Variants in LPP observed in about 807,000 individuals in gnomAD.
The protein encoded by LPP is lipoma-preferred partner.
LPP carries 38 observed loss-of-function variants against 60.4 expected under a neutral mutation model. The observed-to-expected ratio is 0.63, with a 90% confidence interval of 0.49 to 0.83. The LOEUF (loss-of-function observed/expected upper bound fraction) is 0.83, where lower values mean the gene tolerates loss of function less well. Among genes scored for constraint, LPP ranks in the 40% least tolerant of loss-of-function variants. LPP has a pLI of 0.00. For missense variants in LPP, 902 were observed against 783.6 expected, an observed-to-expected ratio of 1.15 and a Z score of -1.80; for synonymous variants, 328 against 290.8, an observed-to-expected ratio of 1.13 and a Z score of -1.30.
chr3:188,803,752 G>A (rs1028280964), intron 9 of LPP, among the ~76,000 whole-genome samples: 4 of 152,160 alleles, frequency 2.6e-5, no homozygotes, highest in African/African-American at 4.8e-5. Context: ...AGGTAGTACG[G>A]TTTGTTCTGC....
chr3:188,240,278 G>C (rs1723652110), intron 2 of LPP: 1 of 168,888 alleles, frequency 5.9e-6, no homozygotes, highest in African/African-American at 2.4e-5. Context: ...AACATGGGTA[G>C]GAATAGCTTA....
intron 4 of LPP, among the ~76,000 whole-genome samples, chr3:188,427,197 C>A (rs1328438582): frequency 6.6e-6 from 1 of 152,176 alleles, no homozygotes; most frequent in Non-Finnish European, 1.5e-5. Context: ...GATTTTATTT[C>A]TTCTTCACTT....
chr3:188,379,135 A>T (rs1560324415), intron 3 of LPP, among the ~76,000 whole-genome samples: 1 of 152,058 alleles, frequency 6.6e-6, no homozygotes, highest in Non-Finnish European at 1.5e-5. Flanking sequence ...CTAATGATTA[A>T]CAGAGATCCT....
chr3:188,250,776 T>TTCTGTCTGTCTTTCTTTCTCTA, intron 2 of LPP, among the ~76,000 whole-genome samples: 2 of 121,844 alleles, frequency 1.6e-5, no homozygotes, highest in South Asian at 5.6e-4. Context: ...CTTTCTTTCT[T>TTCTGTCTGTCTTTCTTTCTCTA]TCTTTCTTTC....
chr3:188,695,022 A>C (rs1862947207), intron 7 of LPP, among the ~76,000 whole-genome samples: 1 of 152,186 alleles, frequency 6.6e-6, no homozygotes, highest in African/African-American at 2.4e-5. Flanking sequence ...CTGGATTCAA[A>C]TCCCAGGTTC....
intron 8 of LPP, chr3:188,746,362 G>A (rs1199453392): frequency 1.6e-5 from 7 of 436,804 alleles, no homozygotes; most frequent in Admixed American, 4.9e-5. Context: ...AGAAAAACAC[G>A]CTGAATAGAT....
intron 2 of LPP, among the ~76,000 whole-genome samples, chr3:188,325,701 T>G (rs1758243829): frequency 6.6e-6 from 1 of 152,228 alleles, no homozygotes; most frequent in Admixed American, 6.5e-5. Flanking sequence ...ATTAAATAAT[T>G]TAATAGATCA....
intron 8 of LPP, among the ~76,000 whole-genome samples, chr3:188,753,315 A>G (rs79653897): frequency 0.02 from 3,082 of 152,340 alleles, 36 homozygotes; most frequent in African/African-American, 0.04. Context: ...TTCACAATAC[A>G]TATATTTACA....
At chr3:188,636,449 C>T (rs983643766) in intron 7 of LPP, among the ~76,000 whole-genome samples, 3 of 152,190 alleles carry the variant, frequency 2.0e-5, no homozygotes, top group Non-Finnish European at 4.4e-5. Flanking sequence ...AGTCTGAGAT[C>T]AAACTGCAAG....
intron 7 of LPP, among the ~76,000 whole-genome samples, chr3:188,631,400 C>T (rs1847831402): frequency 6.6e-6 from 1 of 152,148 alleles, no homozygotes; most frequent in African/African-American, 2.4e-5. Flanking sequence ...AACACCCTTA[C>T]TCTTACTGCA....
intron 9 of LPP, among the ~76,000 whole-genome samples, chr3:188,781,224 A>G (rs1438307832): frequency 6.6e-6 from 1 of 152,236 alleles, no homozygotes; most frequent in Non-Finnish European, 1.5e-5. Flanking sequence ...ACCTTTAGCA[A>G]TATGTACTAC....
intron 2 of LPP, among the ~76,000 whole-genome samples, chr3:188,227,344 C>T (rs1310993688): frequency 8.5e-6 from 1 of 117,038 alleles, no homozygotes; most frequent in Admixed American, 9.1e-5. Flanking sequence ...CCCCTCCCCC[C>T]ACCCCACAAC....
rs773141848 is a variant in LPP at position 188,883,754 on chromosome 3, AG to A, written c.*9277del. ...TCTCAAAAAAAAAAAAAAAAAAAAAAGGTTGGGAAATATTGGTGTATAATCC... is the reference window on the plus strand; with the variant it reads ...TCTCAAAAAAAAAAAAAAAAAAAAAAGTTGGGAAATATTGGTGTATAATCC... On this transcript the variant is annotated 3_prime_UTR_variant, in exon 12 of 12. Coordinates refer to ENST00000617246, the MANE Select transcript of LPP (RefSeq NM_001375462.1). The A allele has an allele frequency of 7.3e-3, 1,292 of 178,172 alleles. 31 individuals carry two copies. Among genetic ancestry groups the A allele is most frequent in the African/African-American group, 0.027 (1,132 of 41,208 alleles). 11.0% of individuals were successfully genotyped at this position (178,172 alleles called of 1,614,324 possible).
intron 1 of LPP, among the ~76,000 whole-genome samples, chr3:188,218,617 A>G (rs1006055127): frequency 8.7e-5 from 13 of 149,696 alleles, no homozygotes; most frequent in Admixed American, 8.5e-4. Flanking sequence ...AGTTTCTTCT[A>G]AAATTTCTTT....
Position 188,685,859 on chromosome 3 carries a change from T to G in LPP, c.1114-22408T>G, listed in dbSNP as rs11713935. 3.3e-5 allele frequency among the ~76,000 whole-genome samples: 5 copies of G among 151,910 alleles called. No homozygotes were observed. In the East Asian group the frequency reaches 9.6e-4, roughly 29 times the overall value. Reference sequence around the variant, plus strand: ...TCTACTACTTTTCTTAAAAAAAAAATTACCCATTTATGACTTATTTATTAT... The same window carrying G: ...TCTACTACTTTTCTTAAAAAAAAAAGTACCCATTTATGACTTATTTATTAT... On this transcript the variant is annotated intron_variant, in intron 7 of 11. Coordinates refer to ENST00000617246, the MANE Select transcript of LPP (RefSeq NM_001375462.1).
chr3:188,310,776 G>A (rs1753151869), intron 2 of LPP, among the ~76,000 whole-genome samples: 1 of 152,144 alleles, frequency 6.6e-6, no homozygotes, highest in African/African-American at 2.4e-5. Flanking sequence ...CCAGAGTGGT[G>A]GGGGTAGATG....
In LPP at chr3:188,640,262, G is replaced by A. The variant is rs569532278; in HGVS notation, c.1113+30418G>A. ...AAATCATCATTCTCAGTAAGCTATC[G>A]CAAGAACAAAAAACCAAACACCACA... On this transcript the variant is annotated intron_variant, in intron 7 of 11. Coordinates refer to ENST00000617246, the MANE Select transcript of LPP (RefSeq NM_001375462.1). 1.6e-4 allele frequency among the ~76,000 whole-genome samples: 24 copies of A among 150,914 alleles called. No homozygotes were observed. In the East Asian group the frequency reaches 2.4e-3, roughly 15 times the overall value.
chr3:188,153,418 G>C (rs1252421579), upstream of LPP: 1 of 152,342 alleles, frequency 6.6e-6, no homozygotes, highest in Non-Finnish European at 1.5e-5. Flanking sequence ...GAAAATCTTG[G>C]AAGGGGATTT....
intron 6 of LPP, among the ~76,000 whole-genome samples, chr3:188,579,598 T>C (rs1835566071): frequency 1.3e-5 from 2 of 151,818 alleles, no homozygotes; most frequent in Admixed American, 1.3e-4. Context: ...TATTTTTAAA[T>C]ATAGTACTTC....
Sources: gnomAD v4.1 joint callset for allele counts (sites outside exome capture counted in the v4.1 genomes callset) on GRCh38, gnomAD v4.1.1 for gene constraint, MANE v1.5 for transcripts, NCBI Gene and HGNC (gene_info 2026-07-23, HGNC 2026-07-21) for gene names.